The following SNX11 variants were observed in gnomAD, a reference collection of about 807,000 sequenced individuals.
SNX11 encodes sorting nexin-11.
In SNX11, 19 loss-of-function variants were observed where a neutral mutation model predicts 30.7. The ratio of observed to expected loss-of-function variants is 0.62; its 90% CI spans 0.43 to 0.91. The LOEUF (loss-of-function observed/expected upper bound fraction) is 0.91. Ranked by LOEUF, SNX11 falls within the 40% of genes least tolerant of loss-of-function variation. The probability of loss-of-function intolerance (pLI) is 0.00; values close to 1 mark genes in which losing one functional copy is unlikely to be tolerated. For missense variants in SNX11, 302 were observed against 326.7 expected, an observed-to-expected ratio of 0.92 and a Z score of 0.58; for synonymous variants, 112 against 119.0, an observed-to-expected ratio of 0.94 and a Z score of 0.38.
At chr17:48,113,550 T>A in intron 4 of SNX11, 149 bp downstream of exon 4, 1 of 297,396 alleles carries the variant, frequency 3.4e-6, no homozygotes. Flanking sequence ...TTTTTTGGGT[T>A]TTTTTTTTTT....
chr17:48,119,256 TG>T, intron 6 of SNX11, 70 bp downstream of exon 6: 1 of 1,205,414 alleles, frequency 8.3e-7, no homozygotes. Flanking sequence ...GGTGTCCATT[TG>T]TTAGGGAAAG....
chr17:48,116,027 A>G (rs2063542796), intron 4 of SNX11, among the ~76,000 whole-genome samples: 1 of 149,758 alleles, frequency 6.7e-6, no homozygotes, highest in Admixed American at 6.7e-5. Context: ...TGGGAGGCTG[A>G]GGCAGGTGGA....
chr17:48,108,932 GTTTA>G (rs1164469147), intron 1 of SNX11, among the ~76,000 whole-genome samples: 2 of 152,126 alleles, frequency 1.3e-5, no homozygotes, highest in Non-Finnish European at 2.9e-5. Context: ...TTGTTCCAGT[GTTTA>G]TTTGTTTGTT....
At chr17:48,119,373 CCTA>C (rs1427596801) in intron 6 of SNX11, among the ~76,000 whole-genome samples, 187 bp downstream of exon 6, 16 of 152,270 alleles carry the variant, frequency 1.1e-4, no homozygotes, top group African/African-American at 3.8e-4. Context: ...AGCAGGGGCT[CCTA>C]CTGAAACCTG....
In SNX11 at chr17:48,113,496, A is replaced by C. The variant is rs2063511572; in HGVS notation, c.230+95A>C. 7 of 800,864 alleles carry C rather than the reference A, an allele frequency of 8.7e-6. No homozygotes were observed. The South Asian group carries it at 1.0e-4, about 12-fold the overall frequency. The allele number at this position is 800,864 out of a possible 1,614,324, so 49.6% of individuals were successfully genotyped here. Reference sequence around the variant, plus strand: ...TGACAATGAAGAGAACTTGCAACATACCAGGCACTAAGGAAATTGGGAAAT... The same window carrying C: ...TGACAATGAAGAGAACTTGCAACATCCCAGGCACTAAGGAAATTGGGAAAT... On this transcript the variant is annotated intron_variant, in intron 4 of 6. Coordinates refer to ENST00000359238, the MANE Select transcript of SNX11 (RefSeq NM_013323.3).
intron 6 of SNX11, among the ~76,000 whole-genome samples, 159 bp downstream of exon 6, chr17:48,119,345 G>A (rs2063576463): frequency 6.6e-6 from 1 of 152,190 alleles, no homozygotes. Context: ...GTGGGTCTGT[G>A]TTAACCCACC....
Position 48,121,333 on chromosome 17 carries a change from C to T in SNX11, c.638C>T (p.Ser213Phe). Reference sequence around the variant, plus strand: ...GAAGTGTGGGCTCCAGTTGTTGACTCTGAGGTTCCTTCCTTGGAAAGTCCC... The same window carrying T: ...GAAGTGTGGGCTCCAGTTGTTGACTTTGAGGTTCCTTCCTTGGAAAGTCCC... ...HLEVWAPVVD[S>F]EVPSLESPTL... Residue 213 changes from serine (S) to phenylalanine (F), a missense_variant, in exon 7 of 7, where the codon TCT becomes TTT. Physicochemically the swap from Ser to Phe is radical, Grantham distance 155. Coordinates refer to ENST00000359238, the MANE Select transcript of SNX11 (RefSeq NM_013323.3). 1 of 1,614,194 alleles carries T rather than the reference C, an allele frequency of 6.2e-7. No individual in the cohort carries two copies.
In SNX11 at chr17:48,121,371, C is replaced by G. The variant is rs370973204; in HGVS notation, c.676C>G (p.Leu226Val). Residue 226 changes from leucine (L) to valine (V), a missense_variant, in exon 7 of 7, where the codon CTC (leucine) becomes GTC (valine). Coordinates refer to ENST00000359238, the MANE Select transcript of SNX11 (RefSeq NM_013323.3). The stretch of plus-strand genomic sequence containing the variant: ...CTTGGAAAGTCCCACTCTCCCACCC[C>G]TCTCCTCACCATTATGCTGTGATTT... Reference protein sequence around the residue: ...PSLESPTLPPLSSPLCCDFGR... With the variant: ...PSLESPTLPPVSSPLCCDFGR... 7 of 1,614,220 alleles carry G rather than the reference C, an allele frequency of 4.3e-6. No homozygotes were observed. The African/African-American group carries it at 6.7e-5, about 15-fold the overall frequency.
chr17:48,111,062 G>C, intron 1 of SNX11: 3 of 984,436 alleles, frequency 3.0e-6, no homozygotes, highest in Non-Finnish European at 3.6e-6. Flanking sequence ...CGCATCCTGA[G>C]TCGACCTGTG....
chr17:48,121,175 G>A, intron 6 of SNX11, 60 bp from the exon 7 acceptor site: 1 of 1,553,988 alleles, frequency 6.4e-7, no homozygotes, highest in East Asian at 2.3e-5. Flanking sequence ...TAGAGACGGA[G>A]TCTCCCTATG....
chr17:48,108,172 C>CT (rs1309510612), intron 1 of SNX11, among the ~76,000 whole-genome samples: 5 of 152,118 alleles, frequency 3.3e-5, no homozygotes, highest in African/African-American at 1.2e-4. Context: ...ACTTAAATGG[C>CT]TAAGACTGGG....
Position 48,121,238 on chromosome 17 carries a change from C to A in SNX11, c.543C>A (p.Cys181Ter). The A allele has an allele frequency of 6.2e-7, 1 of 1,613,942 alleles. No individual in the cohort carries two copies. Among genetic ancestry groups the A allele is most frequent in the Non-Finnish European group, 8.5e-7 (1 of 1,179,880 alleles). Residue 181 changes from cysteine to a stop codon, truncating the protein, a stop_gained, in exon 7 of 7, where the codon TGC (cysteine) becomes TGA (stop). Transcript: ENST00000359238. LOFTEE classifies it low-confidence loss of function (END_TRUNC). Reference sequence around the variant, plus strand: ...TCCCTTTCCCACTCTTTTCCAGTTGCTGCTTTCTTCCAAGATCGGGTAGGA... The same window carrying A: ...TCCCTTTCCCACTCTTTTCCAGTTGATGCTTTCTTCCAAGATCGGGTAGGA... ...HLAKGDQPKS[C>*]CFLPRSGRRS...
At chr17:48,120,905 T>TA (rs2063594454) in intron 6 of SNX11, among the ~76,000 whole-genome samples, 1 of 148,350 alleles carries the variant, frequency 6.7e-6, no homozygotes, top group Non-Finnish European at 1.5e-5. Flanking sequence ...GCCCAGCCAT[T>TA]TTTTTTTTTT....
chr17:48,108,484 ATTTG>A (rs937110584), intron 1 of SNX11, among the ~76,000 whole-genome samples: 11 of 152,200 alleles, frequency 7.2e-5, no homozygotes, highest in African/African-American at 2.7e-4. Context: ...TTATCACCTG[ATTTG>A]TTTCTTAACC....
chr17:48,121,417 C>A lies in SNX11; in HGVS notation c.722C>A (p.Thr241Asn). 1 of 1,614,148 alleles carries A rather than the reference C, an allele frequency of 6.2e-7. No individual in the cohort carries two copies. Among genetic ancestry groups the A allele is most frequent in the Non-Finnish European group, 8.5e-7 (1 of 1,179,976 alleles). ...GATTTTGGAAGACCCAAAGAGGGAA[C>A]CTCCACTCTTCAGTCTGTGAGGAGG... ...CCDFGRPKEG[T>N]STLQSVRRAV... Residue 241 changes from threonine to asparagine, a missense_variant, in exon 7 of 7, where the codon ACC becomes AAC. By Grantham distance (65) the Thr-to-Asn change is moderately conservative. Coordinates refer to ENST00000359238, the MANE Select transcript of SNX11 (RefSeq NM_013323.3).
chr17:48,119,318 C>T (rs191741251), intron 6 of SNX11, 132 bp downstream of exon 6: 72 of 722,882 alleles, frequency 1.0e-4, no homozygotes, highest in Admixed American at 9.6e-4. Context: ...TCTTTGGGTG[C>T]GTGGCTTTCT....
intron 1 of SNX11, among the ~76,000 whole-genome samples, chr17:48,110,496 T>G (rs1187962552): frequency 1.3e-5 from 2 of 152,202 alleles, no homozygotes; most frequent in African/African-American, 4.8e-5. Flanking sequence ...GTAAATGAGT[T>G]CCCCTTCTTT....
chr17:48,113,446 T>G lies in SNX11; in HGVS notation c.230+45T>G, dbSNP rs564643854. On this transcript the variant is annotated intron_variant, in intron 4 of 6. Transcript: ENST00000359238. The stretch of plus-strand genomic sequence containing the variant: ...CTTCTTGGGTCTGTGACTGGCTTTT[T>G]GGGTGCTTATGTAGGAACTGGAGTT... The G allele has an allele frequency of 3.6e-5, 50 of 1,403,324 alleles. No homozygotes were observed. The African/African-American group carries it at 6.2e-4, about 17-fold the overall frequency. 86.9% of individuals were successfully genotyped at this position (1,403,324 alleles called of 1,614,324 possible).
chr17:48,111,873 A>G lies in SNX11; in HGVS notation c.-13-158A>G, dbSNP rs1174060816. ...TTAGCTTGGCATTGAGCTAATGGGGATTTTTTTTTTGCTTCCTCTTAAGTT... is the reference window on the plus strand; with the variant it reads ...TTAGCTTGGCATTGAGCTAATGGGGGTTTTTTTTTTGCTTCCTCTTAAGTT... On this transcript the variant is annotated intron_variant, in intron 1 of 6. Transcript: ENST00000359238. The G allele has an allele frequency of 1.1e-5, 6 of 562,982 alleles. No homozygotes were observed. The East Asian group carries it at 1.2e-4, about 12-fold the overall frequency. The allele number at this position is 562,982 out of a possible 1,614,324, so 34.9% of individuals were successfully genotyped here.
Sources: gnomAD v4.1 joint callset for allele counts (sites outside exome capture counted in the v4.1 genomes callset) on GRCh38, gnomAD v4.1.1 for gene constraint, MANE v1.5 for transcripts, NCBI Gene and HGNC (gene_info 2026-07-23, HGNC 2026-07-21) for gene names.